The following CCNY variants were observed in gnomAD, a reference collection of about 807,000 sequenced individuals.
The protein encoded by CCNY is cyclin Y.
Under a neutral mutation model 42.8 loss-of-function variants are expected in CCNY, and 19 were observed. The observed-to-expected ratio is 0.44, with a 90% CI of 0.31 to 0.65. The LOEUF (loss-of-function observed/expected upper bound fraction) is 0.65, where lower values mean the gene tolerates loss of function less well. CCNY is among the 30% of genes least tolerant of loss of function. CCNY has a pLI of 0.07. For missense variants in CCNY, 370 were observed against 437.3 expected, an observed-to-expected ratio of 0.85 and a Z score of 1.37; for synonymous variants, 165 against 162.7, an observed-to-expected ratio of 1.01 and a Z score of -0.11.
chr10:35,516,660 C>CATT, intron 4 of CCNY, 37 bp downstream of exon 4: 1 of 533,888 alleles, frequency 1.9e-6, no homozygotes, highest in Non-Finnish European at 2.8e-6. Flanking sequence ...TTCCTTCCTT[C>CATT]CTTTTTTTTT....
intron 7 of CCNY, among the ~76,000 whole-genome samples, chr10:35,532,244 G>T (rs1233683261): frequency 1.3e-5 from 2 of 152,224 alleles, no homozygotes; most frequent in Non-Finnish European, 2.9e-5. Context: ...TTCCCTCCTC[G>T]TGTTCCCTAG....
chr10:35,485,526 C>A (rs893393834), intron 2 of CCNY, among the ~76,000 whole-genome samples: 4 of 152,094 alleles, frequency 2.6e-5, no homozygotes, highest in South Asian at 4.2e-4. Flanking sequence ...GAGATCGAGA[C>A]CATCCTAGCT....
intron 3 of CCNY, among the ~76,000 whole-genome samples, chr10:35,294,998 T>C (rs1379142885): frequency 6.6e-6 from 1 of 151,896 alleles, no homozygotes; most frequent in Non-Finnish European, 1.5e-5. Flanking sequence ...GTCTATCTCA[T>C]CTAAGCTATT....
chr10:35,439,508 T>C (rs981583154), intron 1 of CCNY, among the ~76,000 whole-genome samples: 1 of 152,142 alleles, frequency 6.6e-6, no homozygotes, highest in Non-Finnish European at 1.5e-5. Flanking sequence ...CCTCTTTTTC[T>C]TTGCTGCCTC....
Position 35,434,820 on chromosome 10 carries a change from A to G in CCNY, c.155-48584A>G, listed in dbSNP as rs113470763. Among the ~76,000 whole-genome samples, 511 of 152,266 alleles carry G rather than the reference A, an allele frequency of 3.4e-3. 4 individuals carry two copies. Among genetic ancestry groups the G allele is most frequent in the African/African-American group, 0.012 (481 of 41,546 alleles). On this transcript the variant is annotated intron_variant, in intron 1 of 9. Coordinates refer to ENST00000374704, the MANE Select transcript of CCNY (RefSeq NM_145012.6). ...CTTCTCAGCTGGGGCTGCTGCTTGG[A>G]TAAGACTCTTTTCTGCTCTCTCAGT...
chr10:35,393,713 A>G (rs941997643), intron 1 of CCNY, among the ~76,000 whole-genome samples: 2 of 152,096 alleles, frequency 1.3e-5, no homozygotes, highest in African/African-American at 4.8e-5. Context: ...CATTTTCTCC[A>G]GGCTTTTAGT....
At chr10:35,516,661 C>CG (rs1840433552) in intron 4 of CCNY, 38 bp downstream of exon 4, 1 of 326,924 alleles carries the variant, frequency 3.1e-6, no homozygotes, top group South Asian at 2.9e-5. Flanking sequence ...TCCTTCCTTC[C>CG]TTTTTTTTTT....
chr10:35,406,870 C>G (rs1837788858), intron 1 of CCNY, among the ~76,000 whole-genome samples: 2 of 151,856 alleles, frequency 1.3e-5, no homozygotes, highest in Non-Finnish European at 2.9e-5. Flanking sequence ...TGACCCCCCC[C>G]CACCTCCGTC....
chr10:35,276,137 A>T (rs1050726657), intron 3 of CCNY, among the ~76,000 whole-genome samples: 1 of 152,218 alleles, frequency 6.6e-6, no homozygotes, highest in African/African-American at 2.4e-5. Flanking sequence ...GAAACAAACA[A>T]GGGATCGTGA....
At chr10:35,532,708 T>C (rs1289716908) in intron 7 of CCNY, among the ~76,000 whole-genome samples, 2 of 152,100 alleles carry the variant, frequency 1.3e-5, no homozygotes, top group African/African-American at 4.8e-5. Flanking sequence ...AGGCCTGCAG[T>C]GAAGTGGGCA....
At chr10:35,249,411 T>C (rs750398663) in intron 2 of CCNY, among the ~76,000 whole-genome samples, 2 of 152,144 alleles carry the variant, frequency 1.3e-5, no homozygotes, top group Non-Finnish European at 2.9e-5. Flanking sequence ...AATCCCTAAA[T>C]GGAAAACTGT....
intron 3 of CCNY, among the ~76,000 whole-genome samples, chr10:35,310,015 T>C (rs189523140): frequency 6.6e-6 from 1 of 151,922 alleles, no homozygotes; most frequent in African/African-American, 2.4e-5. Context: ...TTAGCCAGGA[T>C]GGTCTCGATC....
chr10:35,512,975 A>G (rs1840353274), intron 3 of CCNY, among the ~76,000 whole-genome samples: 1 of 152,110 alleles, frequency 6.6e-6, no homozygotes, highest in South Asian at 2.1e-4. Context: ...GTATCCATGT[A>G]TCTTTGTATC....
chr10:35,415,175 C>A (rs1179859543), intron 1 of CCNY, among the ~76,000 whole-genome samples: 5 of 152,182 alleles, frequency 3.3e-5, no homozygotes, highest in African/African-American at 1.2e-4. Flanking sequence ...GGAGATGGAG[C>A]CTGGCCCTAA....
intron 1 of CCNY, among the ~76,000 whole-genome samples, chr10:35,445,977 G>A (rs948660794): frequency 1.3e-5 from 2 of 151,928 alleles, no homozygotes; most frequent in African/African-American, 4.8e-5. Flanking sequence ...TTTAGGCTTC[G>A]TTTAGCACCC....
intron 1 of CCNY, among the ~76,000 whole-genome samples, chr10:35,472,229 A>C (rs940263216): frequency 1.6e-4 from 24 of 152,362 alleles, no homozygotes; most frequent in Admixed American, 1.5e-3. Context: ...CTTTGTAGAT[A>C]AGGAAAATGA....
chr10:35,325,630 A>G (rs1272693509), intron 3 of CCNY, among the ~76,000 whole-genome samples: 1 of 151,558 alleles, frequency 6.6e-6, no homozygotes, highest in East Asian at 1.9e-4. Context: ...CACCACTCCC[A>G]GCTAATTTTG....
chr10:35,484,465 C>T (rs535474122), intron 2 of CCNY, among the ~76,000 whole-genome samples: 4 of 151,888 alleles, frequency 2.6e-5, no homozygotes, highest in East Asian at 3.9e-4. Flanking sequence ...GAAAAGTAAA[C>T]GTTTCCAAGA....
intron 1 of CCNY, among the ~76,000 whole-genome samples, chr10:35,391,322 G>A (rs1454165442): frequency 6.6e-6 from 1 of 152,196 alleles, no homozygotes; most frequent in Non-Finnish European, 1.5e-5. Flanking sequence ...ATGAGGCAGA[G>A]TGGCGGGGTG....
Sources: gnomAD v4.1 joint callset for allele counts (sites outside exome capture counted in the v4.1 genomes callset) on GRCh38, gnomAD v4.1.1 for gene constraint, MANE v1.5 for transcripts, NCBI Gene and HGNC (gene_info 2026-07-23, HGNC 2026-07-21) for gene names.